Variants in TYMP observed in about 807,000 individuals in gnomAD.
TYMP encodes the protein gliostatin.
A neutral mutation model predicts 42.3 loss-of-function variants in TYMP; 46 were observed. That is an observed-to-expected ratio of 1.09 (90% CI 0.86 to 1.39). The LOEUF (loss-of-function observed/expected upper bound fraction) is 1.39. Ranked by LOEUF, TYMP falls within the 40% of genes most tolerant of loss-of-function variation. The pLI is 0.00. For synonymous variants in TYMP, 363 were observed against 308.0 expected (o/e 1.18, Z -1.87); for missense variants, 837 against 677.6 (o/e 1.24, Z -2.61).
rs1484371434 is a variant in TYMP at position 50,526,402 on chromosome 22, C to T, written c.1003G>A (p.Asp335Asn). The T allele has an allele frequency of 2.6e-6, 4 of 1,518,558 alleles. No individual in the cohort carries two copies. The highest frequency in any genetic ancestry group is 1.4e-5 in the African/African-American group (1 of 69,328). 94.1% of individuals were successfully genotyped at this position (1,518,558 alleles called of 1,614,324 possible). ...AAGCGGCCAAGGGCCGAGCCGTCGTCCAGCGCCGCGGCCACCCGGGCAGCG... is the reference window on the plus strand; with the variant it reads ...AAGCGGCCAAGGGCCGAGCCGTCGTTCAGCGCCGCGGCCACCCGGGCAGCG... Reference protein sequence around the residue: ...QGAARVAAALDDGSALGRFER... With the variant: ...QGAARVAAALNDGSALGRFER... Residue 335 changes from aspartate to asparagine, a missense_variant, in exon 8 of 10, where the codon GAC becomes AAC. By Grantham distance (23) the Asp-to-Asn change is conservative. Transcript: ENST00000252029.
intron 5 of TYMP, 110 bp downstream of exon 5, chr22:50,527,478 A>AG (rs1237112624): frequency 4.5e-6 from 7 of 1,540,520 alleles, no homozygotes; most frequent in South Asian, 1.1e-5. Flanking sequence ...TGATGGGGGT[A>AG]GGGGGGCACA....
At chr22:50,526,213 A>AG (rs1569522093) in intron 8 of TYMP, 33 bp downstream of exon 8, 14 of 1,498,088 alleles carry the variant, frequency 9.3e-6, no homozygotes, top group Non-Finnish European at 1.2e-5. Context: ...GGGATGGCGG[A>AG]GGCGGAAGGA....
rs569931834 is a variant in TYMP at position 50,528,979 on chromosome 22, GGGGTGGGGAGAACTGTGCTGGGGAGCA to G, written c.417+130_417+156del. The G allele has an allele frequency of 0.043, 35,297 of 827,396 alleles. 780 individuals carry two copies. The highest frequency in any genetic ancestry group is 0.13 in the Middle Eastern group (420 of 3,322). 51.3% of individuals were successfully genotyped at this position (827,396 alleles called of 1,614,324 possible). A position where few individuals can be genotyped will look rare whatever the true frequency, so the allele number is the denominator to read the frequency against. ...GGCCCCAAGCGCTGTGCTGGGGAACGGGGTGGGGAGAACTGTGCTGGGGAGCAGGGTGGGGAGAAGCCTTGGTAGGGT... is the reference window on the plus strand; with the variant it reads ...GGCCCCAAGCGCTGTGCTGGGGAACGGGGTGGGGAGAAGCCTTGGTAGGGT... On this transcript the variant is annotated intron_variant, in intron 3 of 9. Coordinates refer to ENST00000252029, the MANE Select transcript of TYMP (RefSeq NM_001953.5).
Position 50,525,987 on chromosome 22 carries a change from G to A in TYMP, c.1300+14C>T. The A allele has an allele frequency of 1.4e-6, 2 of 1,402,704 alleles. No individual in the cohort carries two copies. Among genetic ancestry groups the A allele is most frequent in the Admixed American group, 6.5e-5 (2 of 30,768 alleles). 86.9% of individuals were successfully genotyped at this position (1,402,704 alleles called of 1,614,324 possible). A position where few individuals can be genotyped will look rare whatever the true frequency, so the allele number is the denominator to read the frequency against. ...GCGGGGGTGCGGGGCCAGCAGGGCG[G>A]GGGCGGCGCTCACCACGGCGCAGCC... On this transcript the variant is annotated intron_variant, in intron 9 of 9. Transcript: ENST00000252029.
At chr22:50,528,125 C>T (rs1390960221) in intron 4 of TYMP, 1 of 385,500 alleles carries the variant, frequency 2.6e-6, no homozygotes, top group East Asian at 6.4e-5. Context: ...GATCCTCCTG[C>T]CTCAGCCTCC....
chr22:50,527,390 A>G, intron 5 of TYMP, 107 bp from the exon 6 acceptor site: 2 of 1,249,698 alleles, frequency 1.6e-6, no homozygotes, highest in South Asian at 1.2e-5. Flanking sequence ...TTGAGGGTCA[A>G]GTCCCTTATT....
chr22:50,529,601 G>A lies in TYMP; in HGVS notation c.109C>T (p.Pro37Ser). 3 of 1,613,098 alleles carry A rather than the reference G, an allele frequency of 1.9e-6. No individual in the cohort carries two copies. The highest frequency in any genetic ancestry group is 2.5e-6 in the Non-Finnish European group (3 of 1,179,892). ...TCTCGCTTCATGCGGATCAGCTCCG[G>A]GAGCTGCTTGGGCTCTGGCGAAGGG... ...PDPSPEPKQL[P>S]ELIRMKRDGG... Residue 37 changes from proline (P) to serine (S), a missense_variant, in exon 2 of 10, where the codon CCG becomes TCG. Physicochemically the swap from Pro to Ser is moderately conservative, Grantham distance 74 (BLOSUM62 -1). Transcript: ENST00000252029.
intron 6 of TYMP, 30 bp downstream of exon 6, chr22:50,527,135 G>A (rs1161634943): frequency 8.9e-6 from 14 of 1,570,946 alleles, no homozygotes; most frequent in East Asian, 6.7e-5. Context: ...GCATCAAGAC[G>A]CTTGCCCAGG....
chr22:50,527,072 G>A (rs2069415984), intron 6 of TYMP, 93 bp downstream of exon 6: 2 of 1,037,960 alleles, frequency 1.9e-6, no homozygotes, highest in Admixed American at 1.7e-5. Context: ...AGGCAGGACT[G>A]CTGAGTGGAG....
chr22:50,526,690 C>T lies in TYMP; in HGVS notation c.814G>A (p.Ala272Thr), dbSNP rs863224247. ...LGLRVAAALT[A>T]MDKPLGRCVG... ...CAGCGACCCAGGGGCTTGTCCATGG[C>T]GGTCAGCGCTGCCGCGACCCGAAGC... The change falls in exon 7 of 10, where the codon GCC becomes ACC. Residue 272 changes from alanine (A) to threonine (T), a missense_variant. By Grantham distance (58) the Ala-to-Thr change is moderately conservative. Transcript: ENST00000252029. The T allele has an allele frequency of 4.5e-6, 7 of 1,544,610 alleles. No homozygotes were observed. Among genetic ancestry groups the T allele is most frequent in the African/African-American group, 4.1e-5 (3 of 73,260 alleles).
intron 5 of TYMP, 147 bp downstream of exon 5, chr22:50,527,441 C>A: frequency 7.3e-7 from 1 of 1,377,754 alleles, no homozygotes; most frequent in South Asian, 1.2e-5. Flanking sequence ...ATCAGGCCAC[C>A]CCACATGGTG....
Position 50,526,279 on chromosome 22 carries a change from G to T in TYMP, c.1126C>A (p.Arg376=). ...GGCGCCAGCAGCTCCTCCTGCTCCC[G>T]GGCGCGAGGCAGCAGCTGCCGGCGT... ...AERRQLLPRA[R]EQEELLAPAD... The change falls in exon 8 of 10, where the codon CGG becomes AGG. Residue 376 remains arginine, a synonymous_variant. Transcript: ENST00000252029. 1 of 1,544,782 alleles carries T rather than the reference G, an allele frequency of 6.5e-7. No homozygotes were observed. The highest frequency in any genetic ancestry group is 8.6e-7 in the Non-Finnish European group (1 of 1,156,094).
Position 50,527,196 on chromosome 22 carries a change from T to C in TYMP, c.734A>G (p.Gln245Arg). 1 of 1,613,414 alleles carries C rather than the reference T, an allele frequency of 6.2e-7. No homozygotes were observed. The change falls in exon 6 of 10, where the codon CAG becomes CGG. Residue 245 changes from glutamine (Q) to arginine (R), a missense_variant. Coordinates refer to ENST00000252029, the MANE Select transcript of TYMP (RefSeq NM_001953.5). ...KFGGAAVFPN[Q>R]EQARELAKTL... Reference sequence around the variant, plus strand: ...CTTTGCCAGCTCCCGGGCCTGCTCCTGGTTGGGGAAGACGGCGGCCCCTCC... The same window carrying C: ...CTTTGCCAGCTCCCGGGCCTGCTCCCGGTTGGGGAAGACGGCGGCCCCTCC...
In TYMP at chr22:50,526,341, C is replaced by G; in HGVS notation, c.1064G>C (p.Gly355Ala). 1.3e-6 allele frequency: 2 copies of G among 1,559,164 alleles called. No individual in the cohort carries two copies. Among genetic ancestry groups the G allele is most frequent in the Non-Finnish European group, 1.7e-6 (2 of 1,163,690 alleles). Reference protein sequence around the residue: ...RMLAAQGVDPGLARALCSGSP... With the variant: ...RMLAAQGVDPALARALCSGSP... ...TCCCGAGCACAGGGCTCGGGCCAGA[C>G]CGGGATCCACGCCCTGCGCCGCCAG... The change falls in exon 8 of 10, where the codon GGT becomes GCT. Residue 355 changes from glycine to alanine, a missense_variant. Coordinates refer to ENST00000252029, the MANE Select transcript of TYMP (RefSeq NM_001953.5).
In TYMP at chr22:50,527,445, CATG is replaced by C. The variant is rs748610852; in HGVS notation, c.646+140_646+142del. 3.1e-5 allele frequency: 43 copies of C among 1,384,382 alleles called. 1 individual carries two copies. In the Admixed American group the frequency reaches 4.1e-4, roughly 13 times the overall value. The allele number at this position is 1,384,382 out of a possible 1,614,324, so 85.8% of individuals were successfully genotyped here. The stretch of plus-strand genomic sequence containing the variant: ...GTGGGTTGAGTATCAGGCCACCCCA[CATG>C]GTGGTGGTCAGGCATCTTGTGATGG... On this transcript the variant is annotated intron_variant, in intron 5 of 9. Coordinates refer to ENST00000252029, the MANE Select transcript of TYMP (RefSeq NM_001953.5).
intron 4 of TYMP, chr22:50,528,128 C>T (rs2069463299): frequency 7.8e-6 from 3 of 386,310 alleles, no homozygotes; most frequent in South Asian, 6.5e-5. Flanking sequence ...CCTCCTGCCT[C>T]AGCCTCCTGA....
At chr22:50,527,535 TTGGAGGTCAGGAGC>T in intron 5 of TYMP, 39 bp downstream of exon 5, 1 of 1,613,496 alleles carries the variant, frequency 6.2e-7, no homozygotes, top group Middle Eastern at 1.6e-4. Flanking sequence ...TGACTTGAGT[TTGGAGGTCAGGAGC>T]CTGTGAACAT....
intron 6 of TYMP, 67 bp from the exon 7 acceptor site, chr22:50,526,805 C>A: frequency 6.7e-7 from 1 of 1,488,462 alleles, no homozygotes. Flanking sequence ...CTTGGTCGAA[C>A]TCCAGCCCCT....
At chr22:50,528,129 A>G in intron 4 of TYMP, 1 of 384,610 alleles carries the variant, frequency 2.6e-6, no homozygotes, top group Admixed American at 3.7e-5. Flanking sequence ...CTCCTGCCTC[A>G]GCCTCCTGAG....
Sources: gnomAD v4.1 joint callset for allele counts on GRCh38, gnomAD v4.1.1 for gene constraint, MANE v1.5 for transcripts, NCBI Gene and HGNC (gene_info 2026-07-23, HGNC 2026-07-21) for gene names.